UGT1A4: variants seen among roughly 807,000 people sequenced by gnomAD.
The protein encoded by UGT1A4 is UDP-glucuronosyltransferase 1A4.
UGT1A4 carries 32 observed loss-of-function variants against 41.1 expected under a neutral mutation model. The observed-to-expected ratio is 0.78, with a 90% CI of 0.59 to 1.05. The LOEUF is 1.05. Among genes scored for constraint, UGT1A4 ranks in the 50% least tolerant of loss-of-function variants. The probability of loss-of-function intolerance (pLI) is 0.00; values close to 1 mark genes in which losing one functional copy is unlikely to be tolerated. For missense variants in UGT1A4, 748 were observed against 677.4 expected (o/e 1.10, Z -1.16); for synonymous variants, 283 against 265.1 (o/e 1.07, Z -0.66).
At chr2:233,728,581 G>A (rs1575575973) in intron 1 of UGT1A4, among the ~76,000 whole-genome samples, 1 of 152,156 alleles carries the variant, frequency 6.6e-6, no homozygotes, top group Non-Finnish European at 1.5e-5. Context: ...TGCGAAAAAC[G>A]ACCAAAACCA....
At chr2:233,727,764 G>A (rs117456176) in intron 1 of UGT1A4, among the ~76,000 whole-genome samples, 2 of 152,186 alleles carry the variant, frequency 1.3e-5, no homozygotes, top group South Asian at 4.1e-4. Context: ...CTTGAGCTGG[G>A]TGTCCCCCAG....
At chr2:233,763,732 A>T (rs1272484781) in intron 1 of UGT1A4, among the ~76,000 whole-genome samples, 1 of 152,234 alleles carries the variant, frequency 6.6e-6, no homozygotes, top group East Asian at 1.9e-4. Context: ...ACAACCTGGC[A>T]TTGGCGTGTC....
At chr2:233,734,739 A>C (rs1237187845) in intron 1 of UGT1A4, among the ~76,000 whole-genome samples, 2 of 152,196 alleles carry the variant, frequency 1.3e-5, no homozygotes, top group East Asian at 1.9e-4. Context: ...GTTTCAAAGA[A>C]CATCTTTATT....
intron 1 of UGT1A4, among the ~76,000 whole-genome samples, chr2:233,757,460 G>A (rs34757826): frequency 4.7e-5 from 7 of 149,338 alleles, no homozygotes; most frequent in Non-Finnish European, 7.4e-5. Context: ...TGTCCAGAGC[G>A]CTTACTGTCT....
chr2:233,731,284 CTT>C (rs78127606), intron 1 of UGT1A4, among the ~76,000 whole-genome samples: 38 of 139,732 alleles, frequency 2.7e-4, no homozygotes, highest in East Asian at 1.2e-3. Context: ...GTTTTTCTTT[CTT>C]TTTTTTTTTT....
At chr2:233,764,456 G>A (rs184552145) in intron 1 of UGT1A4, among the ~76,000 whole-genome samples, 34 of 152,210 alleles carry the variant, frequency 2.2e-4, no homozygotes, top group African/African-American at 7.9e-4. Context: ...TTAAACTTTC[G>A]TGATCTCCTG....
At position 233,721,862 on chromosome 2, in the gene UGT1A4, T is replaced by C. The variant is rs1254741944; in HGVS notation, c.867+2175T>C. Reference sequence around the variant, plus strand: ...TGTGTCCAGCCCCACTGCTCGGCCCTGGGCACACTTGCCAGCCCCTCCATT... The same window carrying C: ...TGTGTCCAGCCCCACTGCTCGGCCCCGGGCACACTTGCCAGCCCCTCCATT... On this transcript the variant is annotated intron_variant, in intron 1 of 4. Coordinates refer to ENST00000373409, the MANE Select transcript of UGT1A4 (RefSeq NM_007120.3). 6 of 506,358 alleles carry C rather than the reference T, an allele frequency of 1.2e-5. No individual in the cohort carries two copies. The Admixed American group carries it at 1.2e-4, about 10-fold the overall frequency. The allele number at this position is 506,358 out of a possible 1,614,324, so 31.4% of individuals were successfully genotyped here.
chr2:233,764,795 T>A (rs148070412), intron 1 of UGT1A4, among the ~76,000 whole-genome samples: 1 of 152,200 alleles, frequency 6.6e-6, no homozygotes, highest in East Asian at 1.9e-4. Flanking sequence ...CCTCAGGGTG[T>A]TCTTGCTACA....
chr2:233,719,433 A>G lies in UGT1A4; in HGVS notation c.613A>G (p.Met205Val). 1 of 1,613,974 alleles carries G rather than the reference A, an allele frequency of 6.2e-7. No homozygotes were observed. The highest frequency in any genetic ancestry group is 8.5e-7 in the Non-Finnish European group (1 of 1,179,864). ...GTTACTAACGACCAATTCAGACCAC[A>G]TGACATTCCTGCAAAGGGTCAAGAA... ...PKLLTTNSDHMTFLQRVKNML... is the reference protein window; with the variant it reads ...PKLLTTNSDHVTFLQRVKNML... Residue 205 changes from methionine (M) to valine (V), a missense_variant, in exon 1 of 5, where the codon ATG becomes GTG. Coordinates refer to ENST00000373409, the MANE Select transcript of UGT1A4 (RefSeq NM_007120.3).
chr2:233,739,714 GGACTT>G (rs1004679723), intron 1 of UGT1A4, among the ~76,000 whole-genome samples: 28 of 152,292 alleles, frequency 1.8e-4, no homozygotes, highest in African/African-American at 6.3e-4. Context: ...ATGGGGGAAG[GGACTT>G]GACTTGTCTC....
Position 233,719,056 on chromosome 2 carries a change from C to G in UGT1A4, c.236C>G (p.Ala79Gly). ...IKEEKFFTLT[A>G]YAVPWTQKEF... ...GAAGAGAAATTTTTCACCCTGACAG[C>G]CTATGCTGTTCCATGGACCCAGAAG... Residue 79 changes from alanine to glycine, a missense_variant, in exon 1 of 5, where the codon GCC (alanine) becomes GGC (glycine). Physicochemically the swap from Ala to Gly is moderately conservative, Grantham distance 60 (BLOSUM62 0). Coordinates refer to ENST00000373409, the MANE Select transcript of UGT1A4 (RefSeq NM_007120.3). 1 of 1,614,284 alleles carries G rather than the reference C, an allele frequency of 6.2e-7. No individual in the cohort carries two copies. Among genetic ancestry groups the G allele is most frequent in the Middle Eastern group, 1.6e-4 (1 of 6,062 alleles).
intron 1 of UGT1A4, among the ~76,000 whole-genome samples, chr2:233,727,735 C>A (rs1040217488): frequency 1.3e-5 from 2 of 152,208 alleles, no homozygotes; most frequent in Non-Finnish European, 2.9e-5. Flanking sequence ...CTTTTCTGTG[C>A]CATCCTGCGT....
At chr2:233,768,043 A>G in intron 3 of UGT1A4, 107 bp downstream of exon 3, 1 of 1,608,218 alleles carries the variant, frequency 6.2e-7, no homozygotes, top group Non-Finnish European at 8.5e-7. Flanking sequence ...ATTATGGCCA[A>G]CATATCCTAC....
chr2:233,743,650 G>T, intron 1 of UGT1A4: 1 of 1,367,276 alleles, frequency 7.3e-7, no homozygotes, highest in Non-Finnish European at 9.8e-7. Context: ...AGCTGAAGAC[G>T]TACTCGAAGG....
rs575083074 is a variant in UGT1A4, at chr2:233,732,492, C to T, written c.867+12805C>T. ...ATCTGGAATTAATTTTTGTATAAGGCGTAAGGAAGGGATCCTGTTCCAGCT... is the reference window on the plus strand; with the variant it reads ...ATCTGGAATTAATTTTTGTATAAGGTGTAAGGAAGGGATCCTGTTCCAGCT... On this transcript the variant is annotated intron_variant, in intron 1 of 4. Transcript: ENST00000373409. 1.1e-3 allele frequency among the ~76,000 whole-genome samples: 168 copies of T among 152,214 alleles called. 2 individuals are homozygous for T. Among genetic ancestry groups the T allele is most frequent in the Middle Eastern group, 0.01 (3 of 294 alleles).
At chr2:233,755,201 G>T (rs745426123) in intron 1 of UGT1A4, 6 of 1,105,450 alleles carry the variant, frequency 5.4e-6, no homozygotes, top group Non-Finnish European at 7.7e-6. Flanking sequence ...CCAGCTTGCG[G>T]TACGCCTTCT....
chr2:233,772,849 C>T lies in UGT1A4; in HGVS notation c.*290C>T, dbSNP rs1021003584. The T allele has an allele frequency of 7.7e-6, 6 of 777,596 alleles. No individual in the cohort carries two copies. In the African/African-American group the frequency reaches 8.9e-5, roughly 11 times the overall value. 48.2% of individuals were successfully genotyped at this position (777,596 alleles called of 1,614,324 possible). On this transcript the variant is annotated 3_prime_UTR_variant, in exon 5 of 5. Transcript: ENST00000373409. ...CTGGCATTCTAGATTACTTTTCTTACTCTGAAACATGGCCTGTTTGGGAGT... is the reference window on the plus strand; with the variant it reads ...CTGGCATTCTAGATTACTTTTCTTATTCTGAAACATGGCCTGTTTGGGAGT...
rs1003147991 is a variant in UGT1A4 at position 233,772,600 on chromosome 2, T to C, written c.*41T>C. 1 of 1,591,692 alleles carries C rather than the reference T, an allele frequency of 6.3e-7. No homozygotes were observed. The highest frequency in any genetic ancestry group is 8.6e-7 in the Non-Finnish European group (1 of 1,168,178). ...TAAGGTAAAATTTTGAACCATTCCC[T>C]AGTCATTTCCAAACTTGAAAACAGA... On this transcript the variant is annotated 3_prime_UTR_variant, in exon 5 of 5. Coordinates refer to ENST00000373409, the MANE Select transcript of UGT1A4 (RefSeq NM_007120.3).
At chr2:233,739,899 T>G (rs1691241474) in intron 1 of UGT1A4, among the ~76,000 whole-genome samples, 1 of 151,876 alleles carries the variant, frequency 6.6e-6, no homozygotes, top group South Asian at 2.1e-4. Context: ...CCAAATCTCA[T>G]CTCATATTGT....
Sources: gnomAD v4.1 joint callset for allele counts (sites outside exome capture counted in the v4.1 genomes callset) on GRCh38, gnomAD v4.1.1 for gene constraint, MANE v1.5 for transcripts, NCBI Gene and HGNC (gene_info 2026-07-23, HGNC 2026-07-21) for gene names.